The following TNFAIP8 variants were observed in gnomAD, a reference collection of about 807,000 sequenced individuals.
TNFAIP8 encodes tumor necrosis factor alpha-induced protein 8.
TNFAIP8 carries 7 observed loss-of-function variants against 13.3 expected under a neutral mutation model. That is an observed-to-expected ratio of 0.52 (90% confidence interval 0.30 to 0.99). The LOEUF (loss-of-function observed/expected upper bound fraction) is 0.99. Among genes scored for constraint, TNFAIP8 ranks in the 50% least tolerant of loss-of-function variants. The pLI, the probability that TNFAIP8 is intolerant of heterozygous loss-of-function variation, is 0.07. For synonymous variants in TNFAIP8, 94 were observed against 87.6 expected (o/e 1.07, Z -0.41); for missense variants, 258 against 236.9 (o/e 1.09, Z -0.58).
At chr5:119,359,512 G>A (rs754457926) in intron 1 of TNFAIP8, among the ~76,000 whole-genome samples, 1 of 151,648 alleles carries the variant, frequency 6.6e-6, no homozygotes, top group Non-Finnish European at 1.5e-5. Context: ...ATTAAATGTT[G>A]TAGATTGAGT....
chr5:119,378,847 G>C (rs1336196456), intron 1 of TNFAIP8, among the ~76,000 whole-genome samples: 1 of 152,158 alleles, frequency 6.6e-6, no homozygotes, highest in East Asian at 1.9e-4. Context: ...GCTGAGACAG[G>C]AGGATCACTT....
At chr5:119,341,870 G>A (rs567024970) in intron 1 of TNFAIP8, among the ~76,000 whole-genome samples, 39 of 152,338 alleles carry the variant, frequency 2.6e-4, no homozygotes, top group Middle Eastern at 3.4e-3. Context: ...TTTGCAAGTT[G>A]TCTGCTGGCT....
At chr5:119,310,433 C>T (rs1387673599) in intron 1 of TNFAIP8, among the ~76,000 whole-genome samples, 1 of 151,484 alleles carries the variant, frequency 6.6e-6, no homozygotes, top group Non-Finnish European at 1.5e-5. Flanking sequence ...CACTGGAGGA[C>T]TACAGGGCAC....
chr5:119,288,206 A>G (rs1748862850), intron 1 of TNFAIP8, among the ~76,000 whole-genome samples: 1 of 152,158 alleles, frequency 6.6e-6, no homozygotes, highest in Admixed American at 6.5e-5. Context: ...ACACAGTTTA[A>G]TGTTCTGTTT....
At chr5:119,346,807 G>A (rs945827191) in intron 1 of TNFAIP8, among the ~76,000 whole-genome samples, 1 of 152,210 alleles carries the variant, frequency 6.6e-6, no homozygotes, top group African/African-American at 2.4e-5. Flanking sequence ...TGAATTTGCT[G>A]TAGTGCCCTG....
At chr5:119,292,731 A>G (rs1749038504) in intron 1 of TNFAIP8, among the ~76,000 whole-genome samples, 1 of 141,912 alleles carries the variant, frequency 7.0e-6, no homozygotes, top group Non-Finnish European at 1.5e-5. Flanking sequence ...AAAAGAACAA[A>G]GTACTGTACC....
chr5:119,320,760 A>G (rs770348330), intron 1 of TNFAIP8, among the ~76,000 whole-genome samples: 2 of 147,892 alleles, frequency 1.4e-5, no homozygotes, highest in African/African-American at 2.5e-5. Context: ...AGGGCATCAC[A>G]TCCCCTTTTT....
At chr5:119,309,057 G>A (rs1225150136) in intron 1 of TNFAIP8, among the ~76,000 whole-genome samples, 1 of 152,148 alleles carries the variant, frequency 6.6e-6, no homozygotes, top group Non-Finnish European at 1.5e-5. Flanking sequence ...GAAGGAGACA[G>A]TTATTTACAT....
In TNFAIP8 at chr5:119,396,045, A is replaced by C. The variant is rs914023273; in HGVS notation, c.*2664A>C. 1 of 152,218 alleles carries C rather than the reference A, an allele frequency of 6.6e-6. No individual in the cohort carries two copies. The allele number at this position is 152,218 out of a possible 1,614,324, so 9.4% of individuals were successfully genotyped here. A position where few individuals can be genotyped will look rare whatever the true frequency, so the allele number is the denominator to read the frequency against. The stretch of plus-strand genomic sequence containing the variant: ...CATTAACTCATTTAATTCTGCCACA[A>C]TCTTCACCATCTTATAGATAAGGAA... On this transcript the variant is annotated 3_prime_UTR_variant, in exon 2 of 2. Transcript: ENST00000504771.
At chr5:119,357,517 C>A (rs149606182) in intron 1 of TNFAIP8, among the ~76,000 whole-genome samples, 6 of 152,212 alleles carry the variant, frequency 3.9e-5, no homozygotes, top group Admixed American at 3.3e-4. Flanking sequence ...GGTGTGTTTT[C>A]CCTGTCTTTT....
At chr5:119,339,416 G>T (rs1219253897) in intron 1 of TNFAIP8, among the ~76,000 whole-genome samples, 1 of 151,374 alleles carries the variant, frequency 6.6e-6, no homozygotes, top group Non-Finnish European at 1.5e-5. Context: ...CATGCTGTTG[G>T]GTCAGCCACG....
At chr5:119,381,551 A>T (rs549123796) in intron 1 of TNFAIP8, among the ~76,000 whole-genome samples, 2 of 152,248 alleles carry the variant, frequency 1.3e-5, no homozygotes, top group African/African-American at 4.8e-5. Flanking sequence ...AAAATAAAAA[A>T]TAAAAATTAA....
intron 1 of TNFAIP8, among the ~76,000 whole-genome samples, chr5:119,336,016 CAG>C (rs1750540415): frequency 6.6e-6 from 1 of 151,866 alleles, no homozygotes; most frequent in Admixed American, 6.6e-5. Flanking sequence ...ACTTTCCAAA[CAG>C]AGGGCAAGCG....
chr5:119,389,298 C>A (rs994498614), intron 1 of TNFAIP8, among the ~76,000 whole-genome samples: 8 of 152,190 alleles, frequency 5.3e-5, no homozygotes, highest in African/African-American at 1.9e-4. Context: ...AAAGAAAAAT[C>A]TTGAATGCAC....
At chr5:119,385,640 T>C (rs915535656) in intron 1 of TNFAIP8, among the ~76,000 whole-genome samples, 2 of 152,200 alleles carry the variant, frequency 1.3e-5, no homozygotes, top group African/African-American at 2.4e-5. Flanking sequence ...GTTTTTAATA[T>C]GTTATATATT....
intron 1 of TNFAIP8, among the ~76,000 whole-genome samples, chr5:119,300,305 C>T (rs1749346008): frequency 6.6e-6 from 1 of 152,362 alleles, no homozygotes; most frequent in Non-Finnish European, 1.5e-5. Context: ...ATGGTAATCA[C>T]ATCCTCAGAA....
chr5:119,368,254 G>A (rs2112805767), intron 1 of TNFAIP8, among the ~76,000 whole-genome samples: 1 of 152,084 alleles, frequency 6.6e-6, no homozygotes, highest in East Asian at 1.9e-4. Context: ...ATACTATTTT[G>A]ACAGATACTA....
At chr5:119,390,687 G>A (rs905328322) in intron 1 of TNFAIP8, among the ~76,000 whole-genome samples, 4 of 152,170 alleles carry the variant, frequency 2.6e-5, no homozygotes, top group African/African-American at 9.7e-5. Flanking sequence ...TTGAGTGGAT[G>A]TATGGCACTG....
intron 1 of TNFAIP8, among the ~76,000 whole-genome samples, chr5:119,328,598 A>G (rs1356240194): frequency 6.6e-6 from 1 of 152,206 alleles, no homozygotes; most frequent in Admixed American, 6.5e-5. Context: ...CAAGGGAGGA[A>G]TCAGTGATGA....
Sources: gnomAD v4.1 joint callset for allele counts (sites outside exome capture counted in the v4.1 genomes callset) on GRCh38, gnomAD v4.1.1 for gene constraint, MANE v1.5 for transcripts, NCBI Gene and HGNC (gene_info 2026-07-23, HGNC 2026-07-21) for gene names.